The following SLC26A5 variants were observed in gnomAD, a reference collection of about 807,000 sequenced individuals.
SLC26A5 encodes solute carrier family 26 member 5.
SLC26A5 carries 51 observed loss-of-function variants against 81.0 expected under a neutral mutation model. The ratio of observed to expected loss-of-function variants is 0.63; its 90% confidence interval spans 0.50 to 0.80. The LOEUF (loss-of-function observed/expected upper bound fraction) is 0.80, where lower values mean the gene tolerates loss of function less well. Among genes scored for constraint, SLC26A5 ranks in the 30% least tolerant of loss-of-function variants. The pLI is 0.00. For missense variants in SLC26A5, 771 were observed against 905.8 expected, an observed-to-expected ratio of 0.85 and a Z score of 1.91; for synonymous variants, 325 against 332.8, an observed-to-expected ratio of 0.98 and a Z score of 0.25.
intron 2 of SLC26A5, among the ~76,000 whole-genome samples, chr7:103,434,714 C>T (rs570219468): frequency 6.7e-4 from 102 of 152,180 alleles, no homozygotes; most frequent in Middle Eastern, 3.4e-3. Flanking sequence ...TGCAGTGGCG[C>T]GACCTCAGCT....
At chr7:103,413,587 G>A (rs1165252518) in intron 4 of SLC26A5, among the ~76,000 whole-genome samples, 2 of 151,952 alleles carry the variant, frequency 1.3e-5, no homozygotes, top group Non-Finnish European at 2.9e-5. Flanking sequence ...AGCCTTCCAC[G>A]TTCTTTTGGC....
At chr7:103,383,228 T>C (rs1586226201) in intron 14 of SLC26A5, among the ~76,000 whole-genome samples, 1 of 152,170 alleles carries the variant, frequency 6.6e-6, no homozygotes, top group East Asian at 1.9e-4. Context: ...TGTCCATGTG[T>C]TGCAATCCAG....
rs1280336457 is a variant in SLC26A5 at position 103,390,409 on chromosome 7, C to T, written c.1311+20G>A. On this transcript the variant is annotated intron_variant, in intron 12 of 19. Transcript: ENST00000306312. ...CTCTACACATGAAAAAAACTTCACC[C>T]AAGTCCACATTACACACACCTGGGG... The T allele has an allele frequency of 3.1e-6, 5 of 1,608,542 alleles. No homozygotes were observed. Among genetic ancestry groups the T allele is most frequent in the East Asian group, 4.5e-5 (2 of 44,860 alleles).
At chr7:103,436,070 G>A (rs747108724) in intron 2 of SLC26A5, among the ~76,000 whole-genome samples, 1 of 152,040 alleles carries the variant, frequency 6.6e-6, no homozygotes, top group Non-Finnish European at 1.5e-5. Flanking sequence ...CAGAGGTTAT[G>A]TTTGATGGTA....
chr7:103,417,851 C>T (rs1003465873), intron 4 of SLC26A5, among the ~76,000 whole-genome samples: 10 of 152,248 alleles, frequency 6.6e-5, no homozygotes, highest in Middle Eastern at 3.4e-3. Flanking sequence ...CAGGTTCAAG[C>T]GATTCTCCTG....
intron 4 of SLC26A5, 23 bp downstream of exon 4, chr7:103,420,715 G>A (rs1473066081): frequency 1.2e-6 from 2 of 1,613,030 alleles, no homozygotes; most frequent in Non-Finnish European, 1.7e-6. Flanking sequence ...AGCAAGGGGG[G>A]AAAGAAAGAA....
chr7:103,434,712 C>T (rs950129210), intron 2 of SLC26A5, among the ~76,000 whole-genome samples: 6 of 152,028 alleles, frequency 3.9e-5, no homozygotes, highest in East Asian at 1.9e-4. Context: ...AGTGCAGTGG[C>T]GCGACCTCAG....
At chr7:103,425,284 C>T (rs1825635814) in intron 2 of SLC26A5, among the ~76,000 whole-genome samples, 2 of 152,330 alleles carry the variant, frequency 1.3e-5, no homozygotes, top group South Asian at 2.1e-4. Context: ...ATTGAAAACA[C>T]TGGCTTTCAA....
At chr7:103,385,040 T>C (rs1822075846) in intron 14 of SLC26A5, among the ~76,000 whole-genome samples, 1 of 152,164 alleles carries the variant, frequency 6.6e-6, no homozygotes, top group Admixed American at 6.6e-5. Flanking sequence ...TTTTAAAATT[T>C]TATAATGCTA....
intron 19 of SLC26A5, among the ~76,000 whole-genome samples, chr7:103,353,518 G>T (rs1001976855): frequency 2.0e-5 from 3 of 152,136 alleles, no homozygotes; most frequent in Non-Finnish European, 4.4e-5. Flanking sequence ...GGTTGGCTAG[G>T]CTGGTCTCAA....
At chr7:103,401,010 G>C (rs1823544806) in intron 8 of SLC26A5, among the ~76,000 whole-genome samples, 1 of 152,170 alleles carries the variant, frequency 6.6e-6, no homozygotes, top group Non-Finnish European at 1.5e-5. Flanking sequence ...ATCCAGCTTT[G>C]TTCTTTTTGC....
At chr7:103,373,515 C>T (rs1821142540), downstream of SLC26A5, among the ~76,000 whole-genome samples, 1 of 152,134 alleles carries the variant, frequency 6.6e-6, no homozygotes, top group African/African-American at 2.4e-5. Flanking sequence ...AGGACCGCTG[C>T]CCCAGTCTCT....
chr7:103,404,211 A>T (rs1823842667), intron 8 of SLC26A5, among the ~76,000 whole-genome samples: 1 of 152,040 alleles, frequency 6.6e-6, no homozygotes, highest in Non-Finnish European at 1.5e-5. Context: ...TTATGTGTGA[A>T]TTTGATCCTG....
intron 14 of SLC26A5, among the ~76,000 whole-genome samples, chr7:103,386,364 G>A (rs575730509): frequency 1.3e-5 from 2 of 151,968 alleles, no homozygotes; most frequent in South Asian, 2.1e-4. Context: ...TCAGGAGGTC[G>A]ACACCATCCT....
At chr7:103,401,262 G>C (rs1260453532) in intron 8 of SLC26A5, among the ~76,000 whole-genome samples, 3 of 152,122 alleles carry the variant, frequency 2.0e-5, no homozygotes, top group Non-Finnish European at 4.4e-5. Flanking sequence ...GTGGTTTGTA[G>C]TTCTCCTTGA....
At chr7:103,359,291 C>G (rs1251094362) in intron 19 of SLC26A5, among the ~76,000 whole-genome samples, 4 of 151,628 alleles carry the variant, frequency 2.6e-5, no homozygotes, top group African/African-American at 2.4e-5. Context: ...AGCCACCGTG[C>G]CCAGCCAGCT....
At chr7:103,444,016 G>C (rs983419949) in intron 1 of SLC26A5, among the ~76,000 whole-genome samples, 28 of 152,112 alleles carry the variant, frequency 1.8e-4, no homozygotes, top group Admixed American at 9.8e-4. Flanking sequence ...TGTTTTCAAG[G>C]GTGAAGGTGG....
In SLC26A5 at chr7:103,387,186, T is replaced by G. The variant is rs1563526138; in HGVS notation, c.1514+1822A>C. The stretch of plus-strand genomic sequence containing the variant: ...TCTTTTAGATAAATACGGGCAACAG[T>G]GTTGGAACTTGTTATTAAAGGTAGT... On this transcript the variant is annotated intron_variant, in intron 14 of 19. Transcript: ENST00000306312. Among the ~76,000 whole-genome samples the G allele has an allele frequency of 2.6e-5, 4 of 152,386 alleles. 1 individual carries two copies. The South Asian group carries it at 6.2e-4, about 24-fold the overall frequency.
intron 2 of SLC26A5, among the ~76,000 whole-genome samples, chr7:103,439,157 C>T (rs1205913104): frequency 6.6e-6 from 1 of 152,106 alleles, no homozygotes; most frequent in Non-Finnish European, 1.5e-5. Flanking sequence ...ACAGGAGGGG[C>T]AGACTTATCT....
Sources: allele counts gnomAD v4.1 joint callset (sites outside exome capture counted in the v4.1 genomes callset), GRCh38; gene constraint gnomAD v4.1.1; transcripts MANE v1.5; gene names NCBI Gene and HGNC (gene_info 2026-07-23, HGNC 2026-07-21).